The following SULT2B1 variants were observed in gnomAD, a reference collection of about 807,000 sequenced individuals.
SULT2B1 encodes the protein sulfotransferase 2B1.
Under a neutral mutation model 33.2 loss-of-function variants are expected in SULT2B1, and 16 were observed. The ratio of observed to expected loss-of-function variants is 0.48; its 90% CI spans 0.33 to 0.73. The LOEUF (loss-of-function observed/expected upper bound fraction) is 0.73. Ranked by LOEUF, SULT2B1 falls within the 30% of genes least tolerant of loss-of-function variation. SULT2B1 has a pLI of 0.02. For synonymous variants in SULT2B1, 186 were observed against 200.5 expected (o/e 0.93, Z 0.61); for missense variants, 500 against 506.0 (o/e 0.99, Z 0.11).
chr19:48,562,197 G>C (rs1308440437), intron 1 of SULT2B1, among the ~76,000 whole-genome samples: 1 of 152,112 alleles, frequency 6.6e-6, no homozygotes, highest in Non-Finnish European at 1.5e-5. Context: ...GGCCAGCCTG[G>C]CTAACATGGT....
chr19:48,574,779 C>T (rs1426827209), intron 1 of SULT2B1, among the ~76,000 whole-genome samples: 1 of 152,228 alleles, frequency 6.6e-6, no homozygotes, highest in African/African-American at 2.4e-5. Context: ...CCAGCCAAGG[C>T]CCAGCAGGCG....
intron 1 of SULT2B1, among the ~76,000 whole-genome samples, chr19:48,564,917 A>C (rs1389113972): frequency 6.6e-6 from 1 of 151,862 alleles, no homozygotes; most frequent in Non-Finnish European, 1.5e-5. Context: ...CAGCCTCCCG[A>C]GTAGCTGGGA....
intron 1 of SULT2B1, among the ~76,000 whole-genome samples, chr19:48,555,549 C>CCTCTCTCTCTCTCTCTCTCTCTCTCT (rs142655043): frequency 1.0e-4 from 13 of 124,192 alleles, no homozygotes; most frequent in African/African-American, 2.0e-4. Context: ...CCAGAGACAT[C>CCTCTCTCTCTCTCTCTCTCTCTCTCT]CTCTCTCTCT....
At chr19:48,581,493 CAG>C (rs1973487351) in intron 2 of SULT2B1, among the ~76,000 whole-genome samples, 1 of 63,594 alleles carries the variant, frequency 1.6e-5, no homozygotes, top group Admixed American at 1.7e-4. Context: ...TTTTTTGAGA[CAG>C]AGTCTCGCTC....
chr19:48,583,896 G>A (rs557902929), intron 2 of SULT2B1, among the ~76,000 whole-genome samples: 16 of 152,066 alleles, frequency 1.1e-4, no homozygotes, highest in Non-Finnish European at 1.8e-4. Flanking sequence ...GGCAGATCAC[G>A]AGGTGAAGAG....
At chr19:48,567,174 G>T (rs915782515) in intron 1 of SULT2B1, among the ~76,000 whole-genome samples, 2 of 151,992 alleles carry the variant, frequency 1.3e-5, no homozygotes, top group African/African-American at 4.8e-5. Context: ...TGCCATGATC[G>T]CCCTGGGATA....
chr19:48,556,674 A>G (rs1019354793), intron 1 of SULT2B1, among the ~76,000 whole-genome samples: 2 of 151,342 alleles, frequency 1.3e-5, no homozygotes, highest in African/African-American at 4.9e-5. Flanking sequence ...AAAAGTTGCC[A>G]GCTCAGTGGC....
At chr19:48,588,815 A>C (rs1027057789) in intron 3 of SULT2B1, among the ~76,000 whole-genome samples, 23 of 152,020 alleles carry the variant, frequency 1.5e-4, no homozygotes, top group Middle Eastern at 3.4e-3. Flanking sequence ...TTCAGGCAAG[A>C]GGGAAAAGCA....
chr19:48,575,126 T>G (rs1024652146), intron 1 of SULT2B1, among the ~76,000 whole-genome samples: 1 of 91,474 alleles, frequency 1.1e-5, no homozygotes, highest in African/African-American at 4.8e-5. Flanking sequence ...TTTTTTTTTT[T>G]GAGACAGAGT....
chr19:48,591,554 T>C lies in SULT2B1; in HGVS notation c.424-55T>C. On this transcript the variant is annotated intron_variant, in intron 3 of 6. Transcript: ENST00000201586. ...CTCCAGGGCAGGAGGCCTCAGGGGCTGGGGTCTTGCCTGTGTCTGACGCCT... is the reference window on the plus strand; with the variant it reads ...CTCCAGGGCAGGAGGCCTCAGGGGCCGGGGTCTTGCCTGTGTCTGACGCCT... The C allele has an allele frequency of 1.3e-5, 20 of 1,565,254 alleles. No individual in the cohort carries two copies. The Middle Eastern group carries it at 1.0e-3, about 81-fold the overall frequency.
At chr19:48,580,426 A>G (rs959834779) in intron 2 of SULT2B1, among the ~76,000 whole-genome samples, 1 of 151,572 alleles carries the variant, frequency 6.6e-6, no homozygotes. Flanking sequence ...CGCCCAGCTA[A>G]TTTTTGTATT....
chr19:48,557,124 A>G (rs889697782), intron 1 of SULT2B1, among the ~76,000 whole-genome samples: 1 of 152,126 alleles, frequency 6.6e-6, no homozygotes, highest in Non-Finnish European at 1.5e-5. Context: ...ATTGACCAGA[A>G]TTTAATTCAG....
intron 5 of SULT2B1, among the ~76,000 whole-genome samples, chr19:48,593,604 GTTTTTATTTA>G (rs1568414016): frequency 6.6e-6 from 1 of 151,724 alleles, no homozygotes; most frequent in South Asian, 2.1e-4. Context: ...CATTCAACCA[GTTTTTATTTA>G]TTTTTATTTA....
chr19:48,560,094 G>A (rs1183651755), intron 1 of SULT2B1, among the ~76,000 whole-genome samples: 3 of 152,144 alleles, frequency 2.0e-5, no homozygotes, highest in Non-Finnish European at 4.4e-5. Context: ...TTGAGCGTCT[G>A]TGAAACGGGC....
At chr19:48,582,423 A>G (rs1448139011) in intron 2 of SULT2B1, among the ~76,000 whole-genome samples, 3 of 152,208 alleles carry the variant, frequency 2.0e-5, no homozygotes, top group Non-Finnish European at 4.4e-5. Flanking sequence ...AATGCCTTGT[A>G]CATGCAGTAC....
chr19:48,556,926 G>A (rs566630519), intron 1 of SULT2B1, among the ~76,000 whole-genome samples: 4 of 151,258 alleles, frequency 2.6e-5, no homozygotes, highest in South Asian at 2.1e-4. Flanking sequence ...CTCCAGCCTG[G>A]GCAACAGAAC....
At chr19:48,570,583 G>A (rs1033054187) in intron 1 of SULT2B1, among the ~76,000 whole-genome samples, 3 of 152,156 alleles carry the variant, frequency 2.0e-5, no homozygotes, top group African/African-American at 7.2e-5. Flanking sequence ...TGGCAATTAT[G>A]AGTACAGTGG....
rs543951587 is a variant in SULT2B1 at position 48,587,618 on chromosome 19, GT to G, written c.423+182del. 1.6e-3 allele frequency among the ~76,000 whole-genome samples: 239 copies of G among 152,284 alleles called. 1 individual carries two copies. The highest frequency in any genetic ancestry group is 5.5e-3 in the African/African-American group (229 of 41,570). On this transcript the variant is annotated intron_variant, in intron 3 of 6. Coordinates refer to ENST00000201586, the MANE Select transcript of SULT2B1 (RefSeq NM_177973.2). ...AGAAATGCCTGCCCTTTGGCAGGGA[GT>G]GATGGCTCATGCCTGTAGTCCCAGC... is the stretch of plus-strand genomic sequence containing the variant.
At chr19:48,568,835 C>T (rs1479579520) in intron 1 of SULT2B1, among the ~76,000 whole-genome samples, 1 of 152,042 alleles carries the variant, frequency 6.6e-6, no homozygotes, top group Admixed American at 6.6e-5. Context: ...CCGCTCAGGG[C>T]CCCCCAGCTC....
Sources: gnomAD v4.1 joint callset for allele counts (sites outside exome capture counted in the v4.1 genomes callset) on GRCh38, gnomAD v4.1.1 for gene constraint, MANE v1.5 for transcripts, NCBI Gene and HGNC (gene_info 2026-07-23, HGNC 2026-07-21) for gene names.